The following ARHGEF37 variants were observed in gnomAD, a reference collection of about 807,000 sequenced individuals.
The protein encoded by ARHGEF37 is Rho guanine nucleotide exchange factor 37.
ARHGEF37 carries 55 observed loss-of-function variants against 71.1 expected under a neutral mutation model. The observed-to-expected ratio is 0.77, with a 90% CI of 0.62 to 0.97. The LOEUF (loss-of-function observed/expected upper bound fraction) is 0.97, where lower values mean the gene tolerates loss of function less well. Among genes scored for constraint, ARHGEF37 ranks in the 50% least tolerant of loss-of-function variants. ARHGEF37 has a pLI of 0.00. For missense variants in ARHGEF37, 765 were observed against 836.8 expected, an observed-to-expected ratio of 0.91 and a Z score of 1.06; for synonymous variants, 327 against 350.6, an observed-to-expected ratio of 0.93 and a Z score of 0.75.
chr5:149,574,606 A>C (rs556893525), intron 1 of ARHGEF37, among the ~76,000 whole-genome samples: 11 of 152,174 alleles, frequency 7.2e-5, no homozygotes, highest in Non-Finnish European at 1.2e-4. Context: ...CGGATATGCC[A>C]GTGACCTCCT....
chr5:149,560,276 C>T (rs569216954), intron 1 of ARHGEF37, among the ~76,000 whole-genome samples: 2 of 152,046 alleles, frequency 1.3e-5, no homozygotes, highest in Admixed American at 6.6e-5. Context: ...CCACCACGCC[C>T]GACTAATTTT....
At chr5:149,578,731 C>T (rs996590620), upstream of ARHGEF37, among the ~76,000 whole-genome samples, 3 of 152,032 alleles carry the variant, frequency 2.0e-5, no homozygotes, top group Admixed American at 1.3e-4. Context: ...TTAGTGTCAC[C>T]GAGGGCAAGG....
intron 1 of ARHGEF37, among the ~76,000 whole-genome samples, chr5:149,588,848 A>G (rs1464400104): frequency 6.6e-6 from 1 of 152,206 alleles, no homozygotes. Context: ...CTGCCCAGAC[A>G]TTTTATCTTC....
intron 6 of ARHGEF37, 53 bp from the exon 7 acceptor site, chr5:149,618,885 G>C: frequency 6.9e-7 from 1 of 1,439,574 alleles, no homozygotes; most frequent in Non-Finnish European, 9.8e-7. Flanking sequence ...ACTGAAGCCG[G>C]TGTACACTGC....
intron 1 of ARHGEF37, among the ~76,000 whole-genome samples, chr5:149,585,212 G>A (rs2113271714): frequency 6.6e-6 from 1 of 152,202 alleles, no homozygotes; most frequent in African/African-American, 2.4e-5. Context: ...AATGTAAAAT[G>A]GTACAACTAC....
At chr5:149,626,097 C>G (rs1292159797) in intron 10 of ARHGEF37, among the ~76,000 whole-genome samples, 1 of 152,164 alleles carries the variant, frequency 6.6e-6, no homozygotes, top group Non-Finnish European at 1.5e-5. Context: ...ACATTGGGAT[C>G]TCCTGGTTCT....
chr5:149,630,110 G>A (rs1039461390), intron 12 of ARHGEF37, among the ~76,000 whole-genome samples: 5 of 152,148 alleles, frequency 3.3e-5, no homozygotes, highest in African/African-American at 1.2e-4. Context: ...TTAGATAGTG[G>A]GGATAGTTGC....
At chr5:149,602,982 G>A (rs182848578) in intron 3 of ARHGEF37, among the ~76,000 whole-genome samples, 7 of 152,192 alleles carry the variant, frequency 4.6e-5, no homozygotes, top group African/African-American at 1.4e-4. Context: ...ACCCAGGCTG[G>A]AGTGCGATGG....
rs1762918510 is a variant in ARHGEF37, at chr5:149,568,070, ACAGT to A, written c.-12+15951_-12+15954del. On this transcript the variant is annotated intron_variant, in intron 1 of 2. Transcript: ENST00000505810. ...GCACACGTACTTTTTTTTTTCCTTA[ACAGT>A]CAGAAACCTGATTCTTATTATCCTC... Among the ~76,000 whole-genome samples the A allele has an allele frequency of 2.0e-5, 3 of 151,806 alleles. No individual in the cohort carries two copies. In the South Asian group the frequency reaches 6.2e-4, roughly 32 times the overall value.
intron 11 of ARHGEF37, 116 bp downstream of exon 11, chr5:149,627,387 G>C: frequency 8.5e-7 from 1 of 1,175,296 alleles, no homozygotes; most frequent in Non-Finnish European, 1.2e-6. Context: ...TCCAGGATGG[G>C]AGTAGGCACA....
intron 3 of ARHGEF37, among the ~76,000 whole-genome samples, chr5:149,608,376 T>A (rs1563626): frequency 0.36 from 53,864 of 148,164 alleles, 11,300 homozygotes; most frequent in Non-Finnish European, 0.48. Context: ...TGCAAACAAA[T>A]TTTTTTTTTT....
chr5:149,555,130 CAAAAA>C (rs914879036), intron 1 of ARHGEF37, among the ~76,000 whole-genome samples: 1 of 55,980 alleles, frequency 1.8e-5, no homozygotes, highest in Admixed American at 2.0e-4. Flanking sequence ...GACTCTGTCT[CAAAAA>C]AAAAAAAAAA....
At chr5:149,567,459 A>T (rs1762910982) in intron 1 of ARHGEF37, among the ~76,000 whole-genome samples, 1 of 152,216 alleles carries the variant, frequency 6.6e-6, no homozygotes, top group Non-Finnish European at 1.5e-5. Context: ...TTGAGACTAC[A>T]TAAATATACT....
intron 10 of ARHGEF37, among the ~76,000 whole-genome samples, chr5:149,625,791 C>T (rs982001526): frequency 1.3e-5 from 2 of 150,458 alleles, no homozygotes; most frequent in Non-Finnish European, 3.0e-5. Flanking sequence ...ACCTCCTGCA[C>T]ATTCCTGATG....
chr5:149,609,739 C>G (rs531878455), intron 4 of ARHGEF37, 44 bp downstream of exon 4: 2 of 1,609,824 alleles, frequency 1.2e-6, no homozygotes, highest in Non-Finnish European at 1.7e-6. Context: ...CCCCACTGAC[C>G]CGGTTCAGGA....
intron 1 of ARHGEF37, among the ~76,000 whole-genome samples, chr5:149,586,222 G>A (rs984723970): frequency 1.4e-5 from 2 of 141,692 alleles, no homozygotes; most frequent in African/African-American, 5.6e-5. Flanking sequence ...ACTTGTCTGG[G>A]TTTCAAGCAG....
At chr5:149,581,198 C>T (rs2113261001), upstream of ARHGEF37, among the ~76,000 whole-genome samples, 1 of 152,296 alleles carries the variant, frequency 6.6e-6, no homozygotes, top group Non-Finnish European at 1.5e-5. Flanking sequence ...GCATTCCCAC[C>T]GGGTGGCCTA....
intron 1 of ARHGEF37, among the ~76,000 whole-genome samples, chr5:149,565,013 A>G (rs1762882564): frequency 6.6e-6 from 1 of 152,204 alleles, no homozygotes; most frequent in Non-Finnish European, 1.5e-5. Context: ...CAGAAAGCTG[A>G]ATCTGGACAG....
rs1420103446 is a variant in ARHGEF37, at chr5:149,620,451, C to A, written c.992C>A (p.Ala331Asp). The A allele has an allele frequency of 2.5e-6, 4 of 1,608,532 alleles. No individual in the cohort carries two copies. In the South Asian group the frequency reaches 4.4e-5, roughly 18 times the overall value. The part of the protein sequence containing the change: ...CNLARDLHLE[A>D]FLKFKQRLEG... ...TTGGCAAGAGACCTTCACCTTGAGG[C>A]CTTCCTGAAATTTGTGAGTGGAACC... The change falls in exon 8 of 13, where the codon GCC (alanine) becomes GAC (aspartate). Residue 331 changes from alanine to aspartate, a missense_variant. Ala to Asp is a moderately radical substitution (Grantham distance 126, BLOSUM62 -2). Transcript: ENST00000333677.
Sources: gnomAD v4.1 joint callset for allele counts (sites outside exome capture counted in the v4.1 genomes callset) on GRCh38, gnomAD v4.1.1 for gene constraint, MANE v1.5 for transcripts, NCBI Gene and HGNC (gene_info 2026-07-23, HGNC 2026-07-21) for gene names.